The following ZBBX variants were observed in gnomAD, a reference collection of about 807,000 sequenced individuals.
ZBBX encodes the protein zinc finger B-box domain containing, also known as zinc finger B-box domain-containing protein 1.
Under a neutral mutation model 108.5 loss-of-function variants are expected in ZBBX, and 101 were observed. The ratio of observed to expected loss-of-function variants is 0.93; its 90% CI spans 0.79 to 1.10. The LOEUF is 1.10. Ranked by LOEUF, ZBBX falls within the 50% of genes least tolerant of loss-of-function variation. The pLI is 0.00. For missense variants in ZBBX, 1,009 were observed against 941.4 expected (o/e 1.07, Z -0.94); for synonymous variants, 356 against 323.4 (o/e 1.10, Z -1.08).
chr3:167,189,193 A>G, the ZBBX span, among the ~76,000 whole-genome samples: 1 of 152,186 alleles, frequency 6.6e-6, no homozygotes, highest in Non-Finnish European at 1.5e-5. Context: ...CCTGTCCGCT[A>G]TATCCTCAGA....
intron 20 of ZBBX, among the ~76,000 whole-genome samples, chr3:167,276,606 A>G (rs1727634395): frequency 6.6e-6 from 1 of 152,252 alleles, no homozygotes; most frequent in African/African-American, 2.4e-5. Context: ...AAAAGACCAA[A>G]TCTACGTCTG....
intron 11 of ZBBX, 39 bp from the exon 12 acceptor site, chr3:167,322,276 A>C (rs755859559): frequency 7.1e-7 from 1 of 1,414,228 alleles, no homozygotes; most frequent in Admixed American, 2.8e-5. Context: ...TAAAATAAGC[A>C]AGTTTACAAA....
chr3:167,271,689 TA>T (rs200991956), intron 20 of ZBBX, among the ~76,000 whole-genome samples: 26 of 151,958 alleles, frequency 1.7e-4, no homozygotes, highest in South Asian at 6.2e-4. Context: ...GCTTAATATG[TA>T]AAAAAAACCC....
chr3:167,248,034 A>G (rs968377219), intron 20 of ZBBX, among the ~76,000 whole-genome samples: 3 of 152,198 alleles, frequency 2.0e-5, no homozygotes, highest in African/African-American at 7.2e-5. Flanking sequence ...GTTACTAAGT[A>G]AAACGAGCAT....
intron 20 of ZBBX, among the ~76,000 whole-genome samples, chr3:167,279,058 T>C (rs1448597733): frequency 6.6e-6 from 1 of 151,472 alleles, no homozygotes; most frequent in African/African-American, 2.4e-5. Context: ...CAACCCTTCA[T>C]GCTAAAAACT....
intron 8 of ZBBX, among the ~76,000 whole-genome samples, chr3:167,358,868 G>A (rs546282051): frequency 1.2e-4 from 17 of 146,962 alleles, no homozygotes; most frequent in Non-Finnish European, 2.2e-4. Context: ...CTCTGGAGGC[G>A]GAGGTTGCAG....
At chr3:167,245,226 A>C (rs552069522) in intron 20 of ZBBX, among the ~76,000 whole-genome samples, 71 of 152,268 alleles carry the variant, frequency 4.7e-4, no homozygotes, top group African/African-American at 1.5e-3. Context: ...ATCCTGGCCC[A>C]CACAGTGAAA....
intron 18 of ZBBX, among the ~76,000 whole-genome samples, chr3:167,294,074 T>C (rs1731194416): frequency 6.6e-6 from 1 of 152,224 alleles, no homozygotes. Flanking sequence ...AAACATTTCA[T>C]GCTCATGGAT....
the ZBBX span, among the ~76,000 whole-genome samples, chr3:167,192,004 A>T: frequency 6.9e-6 from 1 of 144,256 alleles, no homozygotes; most frequent in Admixed American, 7.1e-5. Context: ...TTTTATCTCA[A>T]TCTCCCCATA....
At position 167,359,905 on chromosome 3, in the gene ZBBX, C is replaced by G; in HGVS notation, c.397G>C (p.Val133Leu). The change falls in exon 8 of 22, where the codon GTA (valine) becomes CTA (leucine). Residue 133 changes from valine (V) to leucine (L), a missense_variant. Physicochemically the swap from Val to Leu is conservative, Grantham distance 32. Coordinates refer to ENST00000675490, the MANE Select transcript of ZBBX (RefSeq NM_001199201.2). Reference protein sequence around the residue: ...ECEKPKINGKVCGQCENKAAL... With the variant: ...ECEKPKINGKLCGQCENKAAL... ...GCTTTGTTCTCACACTGTCCACATA[C>G]TTTCCCATTTATCTTGGGTTTTTCA... 6.4e-7 allele frequency: 1 copy of G among 1,566,686 alleles called. No individual in the cohort carries two copies. Among genetic ancestry groups the G allele is most frequent in the Non-Finnish European group, 8.7e-7 (1 of 1,153,132 alleles).
chr3:167,375,676 T>A (rs1011374035), intron 2 of ZBBX, among the ~76,000 whole-genome samples: 5 of 152,062 alleles, frequency 3.3e-5, no homozygotes, highest in African/African-American at 1.2e-4. Context: ...TAAAAATGAT[T>A]GTGCAATAGG....
At chr3:167,228,619 G>A in the ZBBX span, among the ~76,000 whole-genome samples, 2 of 151,716 alleles carry the variant, frequency 1.3e-5, no homozygotes, top group South Asian at 2.1e-4. Flanking sequence ...GGGGCTTCTT[G>A]GAACCACTAA....
At chr3:167,364,183 T>C (rs1744971493) in intron 6 of ZBBX, among the ~76,000 whole-genome samples, 1 of 149,062 alleles carries the variant, frequency 6.7e-6, no homozygotes, top group South Asian at 2.1e-4. Context: ...TATATATCTT[T>C]AGCAAAAAAA....
intron 20 of ZBBX, among the ~76,000 whole-genome samples, chr3:167,276,574 C>T (rs1218921171): frequency 6.6e-6 from 1 of 152,090 alleles, no homozygotes; most frequent in Non-Finnish European, 1.5e-5. Flanking sequence ...AGCAAAGCCT[C>T]CAAGAAATAT....
At chr3:167,253,094 C>G (rs1156325192) in intron 20 of ZBBX, among the ~76,000 whole-genome samples, 1 of 151,782 alleles carries the variant, frequency 6.6e-6, no homozygotes. Flanking sequence ...TCCTCTAACC[C>G]CTATTAAATA....
At chr3:167,190,503 C>T in the ZBBX span, among the ~76,000 whole-genome samples, 1 of 151,926 alleles carries the variant, frequency 6.6e-6, no homozygotes, top group African/African-American at 2.4e-5. Flanking sequence ...GCCTCATTCT[C>T]CCGACTAGCT....
At chr3:167,351,461 A>C (rs899556753) in intron 8 of ZBBX, among the ~76,000 whole-genome samples, 1 of 152,146 alleles carries the variant, frequency 6.6e-6, no homozygotes, top group Non-Finnish European at 1.5e-5. Flanking sequence ...GGAGACACCA[A>C]GGGTGAAGAA....
intron 12 of ZBBX, among the ~76,000 whole-genome samples, chr3:167,321,534 A>G (rs896654428): frequency 4.6e-5 from 7 of 151,982 alleles, no homozygotes; most frequent in South Asian, 2.1e-4. Flanking sequence ...TTGCACCTCA[A>G]AAAAAGACCA....
chr3:167,398,763 G>A (rs1335032504), intron 1 of ZBBX, among the ~76,000 whole-genome samples: 1 of 151,988 alleles, frequency 6.6e-6, no homozygotes, highest in Non-Finnish European at 1.5e-5. Flanking sequence ...AAGATGTTAT[G>A]ATTTGAATAT....
Sources: gnomAD v4.1 joint callset for allele counts (sites outside exome capture counted in the v4.1 genomes callset) on GRCh38, gnomAD v4.1.1 for gene constraint, MANE v1.5 for transcripts, NCBI Gene and HGNC (gene_info 2026-07-23, HGNC 2026-07-21) for gene names.